BRWD3: variants seen among roughly 807,000 people sequenced by gnomAD.
BRWD3 encodes the protein bromodomain and WD repeat domain containing 3, also known as bromodomain and WD repeat-containing protein 3.
In BRWD3, 10 loss-of-function variants were observed where a neutral mutation model predicts 149.7. That is an observed-to-expected ratio of 0.07 (90% CI 0.04 to 0.11). The LOEUF (loss-of-function observed/expected upper bound fraction) is 0.11, where lower values mean the gene tolerates loss of function less well. Ranked by LOEUF, BRWD3 falls within the 10% of genes least tolerant of loss-of-function variation. BRWD3 has a pLI of 1.00. For synonymous variants in BRWD3, 504 were observed against 456.7 expected (o/e 1.10, Z -1.32); for missense variants, 940 against 1,373.2 (o/e 0.68, Z 4.99).
chrX:80,801,972 T>C (rs1389459227), intron 4 of BRWD3, among the ~76,000 whole-genome samples: 1 of 112,012 alleles, frequency 8.9e-6, no homozygotes, highest in East Asian at 2.8e-4. Context: ...AAGTGAATAC[T>C]ACACCAGTGT....
chrX:80,681,205 C>A, intron 40 of BRWD3, 136 bp downstream of exon 40: 1 of 600,904 alleles, frequency 1.7e-6, no homozygotes, highest in Non-Finnish European at 2.6e-6. Context: ...TGCCATCTGA[C>A]TCATATGTGA....
chrX:80,752,309 C>T (rs913187442), intron 6 of BRWD3, among the ~76,000 whole-genome samples: 2 of 111,525 alleles, frequency 1.8e-5, no homozygotes, highest in African/African-American at 3.3e-5. Flanking sequence ...CACTGATGGA[C>T]ACTTAAGTTG....
At chrX:80,685,315 AAAAT>A (rs2072506243) in intron 36 of BRWD3, 143 bp downstream of exon 36, 2 of 506,004 alleles carry the variant, frequency 4.0e-6, no homozygotes, top group Middle Eastern at 5.7e-4. Flanking sequence ...GAGGAACAAA[AAAAT>A]AAATGACCAA....
chrX:80,703,610 C>T lies in BRWD3; in HGVS notation c.2722-17G>A, dbSNP rs758252724. 5 of 1,094,828 alleles carry T rather than the reference C, an allele frequency of 4.6e-6. No homozygotes were observed. The highest frequency in any genetic ancestry group is 1.9e-5 in the South Asian group (1 of 51,609). The allele number at this position is 1,094,828 out of a possible 1,213,427, so 90.2% of individuals were successfully genotyped here. On this transcript the variant is annotated splice_polypyrimidine_tract_variant and intron_variant, in intron 23 of 40. Coordinates refer to ENST00000373275, the MANE Select transcript of BRWD3 (RefSeq NM_153252.5). The stretch of plus-strand genomic sequence containing the variant: ...TCCTCCTTTCTAAAACATAAATACA[C>T]GAAAAGTATATGTATAAAACACAGT...
chrX:80,745,180 A>T (rs2073573993), intron 7 of BRWD3, among the ~76,000 whole-genome samples: 2 of 111,410 alleles, frequency 1.8e-5, no homozygotes, highest in African/African-American at 6.5e-5. Context: ...CAACTATCTA[A>T]TCAAAAAAAG....
At chrX:80,717,349 GATA>G (rs1005071929) in intron 19 of BRWD3, 37 of 414,331 alleles carry the variant, frequency 8.9e-5, no homozygotes, top group African/African-American at 6.8e-4. Context: ...TCAGAACAGA[GATA>G]ATGTTTTGCA....
At chrX:80,716,866 T>C (rs2073080158) in intron 19 of BRWD3, 1 of 111,610 alleles carries the variant, frequency 9.0e-6, no homozygotes, top group African/African-American at 3.3e-5. Context: ...AGACATTAAT[T>C]ATGTCTTTTT....
rs763361602 is a variant in BRWD3, at chrX:80,677,318, G to T, written c.4700C>A (p.Pro1567His). 12 of 1,207,023 alleles carry T rather than the reference G, an allele frequency of 9.9e-6. No homozygotes were observed. The highest frequency in any genetic ancestry group is 1.3e-5 in the Non-Finnish European group (12 of 893,718). ...GPLTNGDGRE[P>H]RTGIKRKLLS... ...TAGTTTTCTCTTGATTCCTGTCCGG[G>T]GCTCTCTGCCATCACCATTTGTAAG... is the stretch of plus-strand genomic sequence containing the variant. The change falls in exon 41 of 41, where the codon CCC becomes CAC. Residue 1567 changes from proline (P) to histidine (H), a missense_variant. Around this residue, in one of 6 missense-constraint regions of BRWD3, gnomAD observed 349 missense variants for 419.6 expected, o/e 0.83. Transcript: ENST00000373275.
Position 80,673,310 on chromosome X carries a change from TA to T in BRWD3, c.*3298del, listed in dbSNP as rs2072337548. 1 of 109,496 alleles carries T rather than the reference TA, an allele frequency of 9.1e-6. No individual in the cohort carries two copies. The highest frequency in any genetic ancestry group is 1.9e-5 in the Non-Finnish European group (1 of 52,519). The allele number at this position is 109,496 out of a possible 1,213,427, so 9.0% of individuals were successfully genotyped here. ...AAAGAAAAAAAATTAAAAAGGGAAA[TA>T]AAAAGAATAGAGGGACACAGGTATA... On this transcript the variant is annotated 3_prime_UTR_variant, in exon 41 of 41. Transcript: ENST00000373275.
In BRWD3 at chrX:80,675,724, G is replaced by A. The variant is rs1415831788; in HGVS notation, c.*885C>T. The A allele has an allele frequency of 9.0e-6, 1 of 111,607 alleles. No homozygotes were observed. Among genetic ancestry groups the A allele is most frequent in the South Asian group, 3.7e-4 (1 of 2,722 alleles). 9.2% of individuals were successfully genotyped at this position (111,607 alleles called of 1,213,427 possible). On this transcript the variant is annotated 3_prime_UTR_variant, in exon 41 of 41. Transcript: ENST00000373275. ...ACTGTTCAAAGAAGTTGTTCTTTGT[G>A]GATGAGGATTTTTCAAATGTTTAAG... is the stretch of plus-strand genomic sequence containing the variant.
intron 4 of BRWD3, among the ~76,000 whole-genome samples, chrX:80,801,268 G>A (rs2074294224): frequency 1.2e-5 from 1 of 82,060 alleles, no homozygotes; most frequent in Admixed American, 1.9e-4. Flanking sequence ...CACCCAGGCT[G>A]GAGGGCAGTG....
Position 80,725,917 on chromosome X carries a change from CTA to C in BRWD3, c.1387-852_1387-851del, listed in dbSNP as rs774117692. On this transcript the variant is annotated intron_variant, in intron 14 of 40. Coordinates refer to ENST00000373275, the MANE Select transcript of BRWD3 (RefSeq NM_153252.5). ...TAACATGTTTACATATGTTACATGCCTATATGACATAACTTGTTTACATGTTA... is the reference window on the plus strand; with the variant it reads ...TAACATGTTTACATATGTTACATGCCTATGACATAACTTGTTTACATGTTA... Among the ~76,000 whole-genome samples the C allele has an allele frequency of 3.6e-4, 40 of 110,254 alleles. 1 individual carries two copies. Among genetic ancestry groups the C allele is most frequent in the South Asian group, 1.1e-3 (3 of 2,717 alleles).
intron 6 of BRWD3, among the ~76,000 whole-genome samples, chrX:80,785,036 ACTGT>A (rs747351690): frequency 4.5e-5 from 5 of 112,212 alleles, no homozygotes; most frequent in African/African-American, 1.6e-4. Flanking sequence ...CAGCAGCAGA[ACTGT>A]CTGTGTGAAA....
chrX:80,792,947 A>T (rs1178055234), intron 5 of BRWD3, among the ~76,000 whole-genome samples: 1 of 109,198 alleles, frequency 9.2e-6, no homozygotes, highest in Non-Finnish European at 1.9e-5. Flanking sequence ...GCGGATCACG[A>T]GGTCAAGAGA....
intron 6 of BRWD3, among the ~76,000 whole-genome samples, chrX:80,751,354 C>T (rs962240153): frequency 9.0e-5 from 10 of 111,144 alleles, no homozygotes; most frequent in Admixed American, 3.8e-4. Context: ...TGACATTGTA[C>T]GCCTTGAATA....
At chrX:80,793,922 T>C (rs2074209374) in intron 4 of BRWD3, 150 bp from the exon 5 acceptor site, 2 of 600,105 alleles carry the variant, frequency 3.3e-6, no homozygotes, top group Non-Finnish European at 5.2e-6. Context: ...CTCACGCCTG[T>C]AATCCCAAAA....
In BRWD3 at chrX:80,670,234, C is replaced by A. The variant is rs1432089211; in HGVS notation, c.*6375G>T. On this transcript the variant is annotated 3_prime_UTR_variant, in exon 41 of 41. Transcript: ENST00000373275. ...ACCTGTGTTTTGTAGCATTAAAAAG[C>A]CCTTAAGTATTTATATAAATGACCT... Among the ~76,000 whole-genome samples the A allele has an allele frequency of 9.0e-6, 1 of 110,791 alleles. No individual in the cohort carries two copies. The highest frequency in any genetic ancestry group is 3.3e-5 in the African/African-American group (1 of 30,452).
chrX:80,770,185 G>A (rs1040856352), intron 6 of BRWD3, among the ~76,000 whole-genome samples: 1 of 111,362 alleles, frequency 9.0e-6, no homozygotes, highest in African/African-American at 3.3e-5. Context: ...AAGAGGAGCT[G>A]GTACCATTCC....
At position 80,669,930 on chromosome X, in the gene BRWD3, A is replaced by T. The variant is rs895612402; in HGVS notation, c.*6679T>A. ...GCAATTCAAAATTAATACTAGATTC[A>T]GAAAGACTTTTAGGTCTCCAACATC... On this transcript the variant is annotated 3_prime_UTR_variant, in exon 41 of 41. Coordinates refer to ENST00000373275, the MANE Select transcript of BRWD3 (RefSeq NM_153252.5). Among the ~76,000 whole-genome samples the T allele has an allele frequency of 4.5e-5, 5 of 111,475 alleles. No individual in the cohort carries two copies. Among genetic ancestry groups the T allele is most frequent in the Non-Finnish European group, 7.5e-5 (4 of 53,053 alleles).
Sources: allele counts gnomAD v4.1 joint callset (sites outside exome capture counted in the v4.1 genomes callset), GRCh38; gene constraint gnomAD v4.1.1; regional missense constraint gnomAD v4.1.1; transcripts MANE v1.5; gene names NCBI Gene and HGNC (gene_info 2026-07-23, HGNC 2026-07-21).